The following OPHN1 variants were observed in gnomAD, a reference collection of about 807,000 sequenced individuals.
OPHN1 encodes oligophrenin 1.
In OPHN1, 11 loss-of-function variants were observed where a neutral mutation model predicts 60.7. The ratio of observed to expected loss-of-function variants is 0.18; its 90% CI spans 0.11 to 0.30. The LOEUF is 0.30. Ranked by LOEUF, OPHN1 falls within the 10% of genes least tolerant of loss-of-function variation. OPHN1 has a pLI of 1.00. For missense variants in OPHN1, 449 were observed against 611.0 expected (o/e 0.73, Z 2.80); for synonymous variants, 226 against 222.6 (o/e 1.02, Z -0.14).
chrX:68,244,140 C>T (rs997114953), intron 5 of OPHN1, among the ~76,000 whole-genome samples: 1 of 111,999 alleles, frequency 8.9e-6, no homozygotes, highest in Non-Finnish European at 1.9e-5. Context: ...AGACAAACCA[C>T]TAAGCTTGTT....
chrX:68,203,170 G>A (rs1243793939), intron 10 of OPHN1, among the ~76,000 whole-genome samples: 1 of 111,386 alleles, frequency 9.0e-6, no homozygotes, highest in Non-Finnish European at 1.9e-5. Context: ...CAGGAGAATC[G>A]CTTGAAACCG....
intron 2 of OPHN1, among the ~76,000 whole-genome samples, chrX:68,302,759 A>T (rs774753959): frequency 6.6e-4 from 73 of 110,051 alleles, no homozygotes; most frequent in African/African-American, 2.3e-3. Context: ...CTCCACACAA[A>T]AAAATTTTCT....
At chrX:68,098,161 G>A (rs1041908784) in intron 18 of OPHN1, among the ~76,000 whole-genome samples, 1 of 110,489 alleles carries the variant, frequency 9.1e-6, no homozygotes, top group African/African-American at 3.3e-5. Flanking sequence ...TGCACATAAC[G>A]TTACATCTCC....
At chrX:68,129,044 T>C (rs1158246414) in intron 15 of OPHN1, among the ~76,000 whole-genome samples, 1 of 112,067 alleles carries the variant, frequency 8.9e-6, no homozygotes, top group Non-Finnish European at 1.9e-5. Context: ...AAACAACATA[T>C]TCAATTTCAA....
At position 68,433,040 on chromosome X, in the gene OPHN1, AGGGGG is replaced by A; in HGVS notation, c.-4-21_-4-17del. ...ACCCATGGTTCTGATGGCCGGGAGT[AGGGGG>A]AAAGGGGAAAGACACAAAGACCGAG... On this transcript the variant is annotated splice_polypyrimidine_tract_variant and intron_variant, in intron 1 of 24. Transcript: ENST00000355520. The A allele has an allele frequency of 8.5e-7, 1 of 1,183,306 alleles. No homozygotes were observed. Among genetic ancestry groups the A allele is most frequent in the Non-Finnish European group, 1.1e-6 (1 of 879,930 alleles).
intron 18 of OPHN1, among the ~76,000 whole-genome samples, chrX:68,110,447 A>T (rs1348204393): frequency 2.7e-5 from 3 of 111,573 alleles, no homozygotes; most frequent in Non-Finnish European, 5.6e-5. Context: ...GTCTCGTCAC[A>T]TGTTGAGACT....
intron 19 of OPHN1, among the ~76,000 whole-genome samples, chrX:68,087,455 C>T (rs1420671444): frequency 2.7e-5 from 3 of 111,534 alleles, no homozygotes; most frequent in African/African-American, 6.5e-5. Context: ...GGTTAATGAA[C>T]TGCTTGCCTG....
At chrX:68,056,591 G>GA (rs1418927361) in intron 21 of OPHN1, among the ~76,000 whole-genome samples, 7 of 111,248 alleles carry the variant, frequency 6.3e-5, no homozygotes, top group Non-Finnish European at 1.3e-4. Context: ...CATTGCAGCA[G>GA]AAAAAATTAA....
intron 6 of OPHN1, among the ~76,000 whole-genome samples, chrX:68,227,824 C>A (rs1398543443): frequency 9.1e-6 from 1 of 109,748 alleles, no homozygotes; most frequent in Non-Finnish European, 1.9e-5. Context: ...AAATTGACAC[C>A]CTAACATCAC....
intron 15 of OPHN1, among the ~76,000 whole-genome samples, chrX:68,167,247 G>A (rs1158219034): frequency 3.6e-5 from 4 of 111,427 alleles, no homozygotes; most frequent in African/African-American, 6.5e-5. Flanking sequence ...ATGAAAAGGT[G>A]CTTAATGTCA....
At chrX:68,384,441 C>T (rs1474936908) in intron 2 of OPHN1, among the ~76,000 whole-genome samples, 2 of 111,977 alleles carry the variant, frequency 1.8e-5, no homozygotes, top group Non-Finnish European at 3.8e-5. Context: ...GTCTTTTGGC[C>T]GGGCACCGTG....
intron 6 of OPHN1, among the ~76,000 whole-genome samples, chrX:68,218,333 G>A (rs1320966569): frequency 1.9e-5 from 2 of 105,631 alleles, no homozygotes; most frequent in African/African-American, 6.9e-5. Context: ...GGGGAGAATG[G>A]AACCAAGTTG....
intron 2 of OPHN1, among the ~76,000 whole-genome samples, chrX:68,306,697 G>T (rs898304978): frequency 8.9e-6 from 1 of 111,768 alleles, no homozygotes; most frequent in Non-Finnish European, 1.9e-5. Context: ...GAAGCTGTCC[G>T]AAAAATTAAA....
At chrX:68,356,665 G>C (rs1008709269) in intron 2 of OPHN1, among the ~76,000 whole-genome samples, 20 of 110,847 alleles carry the variant, frequency 1.8e-4, no homozygotes, top group African/African-American at 5.9e-4. Context: ...CACTTGCCTT[G>C]GTCTCCCAAA....
chrX:68,106,157 T>C (rs1274903579), intron 18 of OPHN1, among the ~76,000 whole-genome samples: 3 of 105,723 alleles, frequency 2.8e-5, no homozygotes, highest in Non-Finnish European at 5.8e-5. Flanking sequence ...TTAACAGTAA[T>C]GATTATTGAA....
At chrX:68,247,957 C>T (rs1041291043) in intron 5 of OPHN1, among the ~76,000 whole-genome samples, 1 of 111,023 alleles carries the variant, frequency 9.0e-6, no homozygotes, top group Non-Finnish European at 1.9e-5. Flanking sequence ...AAGGCTCCAC[C>T]GATTGTCCCC....
chrX:68,401,004 C>T (rs2078711734), intron 2 of OPHN1, among the ~76,000 whole-genome samples: 1 of 111,432 alleles, frequency 9.0e-6, no homozygotes, highest in Non-Finnish European at 1.9e-5. Context: ...TTTAAAAAAT[C>T]AGCTCTCACA....
chrX:68,403,070 T>C (rs532629266), intron 2 of OPHN1, among the ~76,000 whole-genome samples: 7 of 111,787 alleles, frequency 6.3e-5, no homozygotes, highest in African/African-American at 2.3e-4. Context: ...AAATCAGAAA[T>C]GGGTGAGATG....
At chrX:68,250,765 T>C (rs909858900) in intron 5 of OPHN1, among the ~76,000 whole-genome samples, 1 of 112,130 alleles carries the variant, frequency 8.9e-6, no homozygotes, top group African/African-American at 3.2e-5. Flanking sequence ...TCTGGCACTA[T>C]ATGAGCATGA....
Sources: allele counts gnomAD v4.1 joint callset (sites outside exome capture counted in the v4.1 genomes callset), GRCh38; gene constraint gnomAD v4.1.1; transcripts MANE v1.5; gene names NCBI Gene and HGNC (gene_info 2026-07-23, HGNC 2026-07-21).